Variants in SIM1 observed in about 807,000 individuals in gnomAD.
SIM1 encodes SIM bHLH transcription factor 1.
A neutral mutation model predicts 78.2 loss-of-function variants in SIM1; 18 were observed. The ratio of observed to expected loss-of-function variants is 0.23; its 90% CI spans 0.16 to 0.34. The LOEUF is 0.34. SIM1 is among the 10% of genes least tolerant of loss of function. The probability of loss-of-function intolerance (pLI) is 1.00; values close to 1 mark genes in which losing one functional copy is unlikely to be tolerated. For missense variants in SIM1, 939 were observed against 975.1 expected, an observed-to-expected ratio of 0.96 and a Z score of 0.49; for synonymous variants, 417 against 385.2, an observed-to-expected ratio of 1.08 and a Z score of -0.97.
intron 3 of SIM1, among the ~76,000 whole-genome samples, chr6:100,451,847 C>T (rs917670978): frequency 6.6e-6 from 1 of 152,128 alleles, no homozygotes; most frequent in Non-Finnish European, 1.5e-5. Flanking sequence ...TTTGGAGATG[C>T]TAAACTTCAA....
chr6:100,434,363 C>T (rs758080179), intron 9 of SIM1, among the ~76,000 whole-genome samples: 1 of 152,238 alleles, frequency 6.6e-6, no homozygotes, highest in Non-Finnish European at 1.5e-5. Context: ...CCTTCCAACA[C>T]TATTAGTCTC....
Position 100,389,352 on chromosome 6 carries a change from A to G in SIM1, c.*1009T>C. On this transcript the variant is annotated 3_prime_UTR_variant, in exon 12 of 12. Coordinates refer to ENST00000369208, the MANE Select transcript of SIM1 (RefSeq NM_005068.3). Reference sequence around the variant, plus strand: ...GTCACATTGGCACATATGTGCTTTGAAACGTTTTCAAACACTTAACACTGC... The same window carrying G: ...GTCACATTGGCACATATGTGCTTTGGAACGTTTTCAAACACTTAACACTGC... The G allele has an allele frequency of 2.8e-6, 1 of 354,782 alleles. No homozygotes were observed. Among genetic ancestry groups the G allele is most frequent in the Non-Finnish European group, 5.0e-6 (1 of 198,868 alleles). 22.0% of individuals were successfully genotyped at this position (354,782 alleles called of 1,614,324 possible). A position where few individuals can be genotyped will look rare whatever the true frequency, so the allele number is the denominator to read the frequency against.
Position 100,447,375 on chromosome 6 carries a change from G to A in SIM1, c.891C>T (p.Phe297=). Reference sequence around the variant, plus strand: ...ATACCCAGCCGCCGTGTTTCGCCAGGAACCTGTAGTACTTGGTGGTCACCT... The same window carrying A: ...ATACCCAGCCGCCGTGTTTCGCCAGAAACCTGTAGTACTTGGTGGTCACCT... ...KGQVTTKYYR[F]LAKHGGWVWV... is the part of the protein sequence containing the mutation. Residue 297 remains phenylalanine (F), a synonymous_variant, in exon 9 of 12, where the codon TTC becomes TTT. Coordinates refer to ENST00000369208, the MANE Select transcript of SIM1 (RefSeq NM_005068.3). The A allele has an allele frequency of 6.2e-7, 1 of 1,614,266 alleles. No homozygotes were observed. The highest frequency in any genetic ancestry group is 8.5e-7 in the Non-Finnish European group (1 of 1,180,054).
chr6:100,401,501 G>A (rs1052454199), intron 10 of SIM1, among the ~76,000 whole-genome samples: 2 of 151,742 alleles, frequency 1.3e-5, no homozygotes, highest in African/African-American at 4.8e-5. Flanking sequence ...TTGTCCTTAG[G>A]AAATACACAT....
intron 9 of SIM1, among the ~76,000 whole-genome samples, chr6:100,429,318 A>G (rs1771827777): frequency 6.6e-6 from 1 of 151,686 alleles, no homozygotes; most frequent in Non-Finnish European, 1.5e-5. Context: ...GCAGTGAGCC[A>G]ACATTGCACC....
At chr6:100,410,288 A>G (rs1013990328) in intron 10 of SIM1, among the ~76,000 whole-genome samples, 3 of 152,292 alleles carry the variant, frequency 2.0e-5, no homozygotes, top group African/African-American at 4.8e-5. Context: ...AGATTCAGCC[A>G]TTCTCCTCCT....
chr6:100,447,245 A>C (rs1296335719), intron 9 of SIM1, 23 bp downstream of exon 9: 1 of 1,607,812 alleles, frequency 6.2e-7, no homozygotes, highest in Non-Finnish European at 8.5e-7. Flanking sequence ...GGGTGGGTGA[A>C]GGGGTCTCAG....
Position 100,448,196 on chromosome 6 carries a change from T to C in SIM1, c.800A>G (p.His267Arg). ...PQDLIEKTLY[H>R]HVHGCDTFHL... ...GAAGGTGTCGCAGCCGTGCACATGG[T>C]GGTACAGAGTCTTCTCAATCAGGTC... Residue 267 changes from histidine to arginine, a missense_variant, in exon 8 of 12, where the codon CAC becomes CGC. Physicochemically the swap from His to Arg is conservative, Grantham distance 29. Coordinates refer to ENST00000369208, the MANE Select transcript of SIM1 (RefSeq NM_005068.3). 6.2e-7 allele frequency: 1 copy of C among 1,613,964 alleles called. No individual in the cohort carries two copies. Among genetic ancestry groups the C allele is most frequent in the Non-Finnish European group, 8.5e-7 (1 of 1,179,974 alleles).
chr6:100,445,713 C>A (rs143884529), intron 9 of SIM1, among the ~76,000 whole-genome samples: 1 of 152,264 alleles, frequency 6.6e-6, no homozygotes, highest in African/African-American at 2.4e-5. Context: ...TAACCACAGG[C>A]ACCCACCAGA....
intron 5 of SIM1, 44 bp downstream of exon 5, chr6:100,449,547 G>T: frequency 6.3e-7 from 1 of 1,589,146 alleles, no homozygotes; most frequent in Non-Finnish European, 8.6e-7. Context: ...AACCACAAGC[G>T]GACTGCGATG....
rs562756295 is a variant in SIM1 at position 100,437,700 on chromosome 6, C to T, written c.998+9568G>A. Among the ~76,000 whole-genome samples, 5 of 152,280 alleles carry T rather than the reference C, an allele frequency of 3.3e-5. No individual in the cohort carries two copies. In the South Asian group the frequency reaches 6.2e-4, roughly 19 times the overall value. On this transcript the variant is annotated intron_variant, in intron 9 of 11. Coordinates refer to ENST00000369208, the MANE Select transcript of SIM1 (RefSeq NM_005068.3). ...GAAGAAGGTGCTCCATAAATGCTGA[C>T]GTTTCTCCCTCTGCATGGAAATCTC...
intron 9 of SIM1, chr6:100,437,153 C>T (rs1772076751): frequency 6.6e-6 from 1 of 152,102 alleles, no homozygotes; most frequent in Non-Finnish European, 1.5e-5. Flanking sequence ...TTCTAGAGCC[C>T]AACTTCTTAA....
intron 10 of SIM1, among the ~76,000 whole-genome samples, chr6:100,402,701 G>T (rs1011984069): frequency 2.7e-5 from 4 of 147,576 alleles, no homozygotes; most frequent in African/African-American, 1.0e-4. Flanking sequence ...CCTCAGCCTC[G>T]CGAGTAGCTG....
chr6:100,428,772 A>G (rs1183207168), intron 9 of SIM1, among the ~76,000 whole-genome samples: 1 of 152,106 alleles, frequency 6.6e-6, no homozygotes, highest in Admixed American at 6.5e-5. Flanking sequence ...ATAGGAAAAC[A>G]CACACACTTT....
intron 10 of SIM1, among the ~76,000 whole-genome samples, chr6:100,397,529 A>G (rs1265145129): frequency 6.6e-6 from 1 of 152,182 alleles, no homozygotes; most frequent in Non-Finnish European, 1.5e-5. Flanking sequence ...AAAACTCAAA[A>G]GGTTCACAGA....
chr6:100,427,762 T>A (rs1771772846), intron 9 of SIM1, among the ~76,000 whole-genome samples: 1 of 152,182 alleles, frequency 6.6e-6, no homozygotes, highest in Non-Finnish European at 1.5e-5. Context: ...TTCTCCCAGC[T>A]CCTTCCTCTG....
chr6:100,419,987 C>G (rs1047165393), intron 10 of SIM1, among the ~76,000 whole-genome samples: 2 of 152,066 alleles, frequency 1.3e-5, no homozygotes, highest in Non-Finnish European at 2.9e-5. Context: ...CTGAGCTACT[C>G]TAGTGAACTG....
intron 9 of SIM1, among the ~76,000 whole-genome samples, chr6:100,443,992 AT>A (rs1431183150): frequency 9.9e-5 from 15 of 152,144 alleles, no homozygotes; most frequent in African/African-American, 3.6e-4. Context: ...CTAGTGGGTT[AT>A]CTTTAAAAGT....
chr6:100,453,651 G>GC, intron 3 of SIM1, 111 bp downstream of exon 3: 1 of 788,836 alleles, frequency 1.3e-6, no homozygotes. Flanking sequence ...TTGTGGGGGG[G>GC]GTTGTTTGTT....
Sources: allele counts gnomAD v4.1 joint callset (sites outside exome capture counted in the v4.1 genomes callset), GRCh38; gene constraint gnomAD v4.1.1; transcripts MANE v1.5; gene names NCBI Gene and HGNC (gene_info 2026-07-23, HGNC 2026-07-21).